INPP4A: variants seen among roughly 807,000 people sequenced by gnomAD.
INPP4A encodes inositol polyphosphate-4-phosphatase type I A, also known as inositol polyphosphate-4-phosphatase, type I, 107kD.
Under a neutral mutation model 119.8 loss-of-function variants are expected in INPP4A, and 33 were observed. That is an observed-to-expected ratio of 0.28 (90% CI 0.21 to 0.37). The LOEUF (loss-of-function observed/expected upper bound fraction) is 0.37, where lower values mean the gene tolerates loss of function less well. Among genes scored for constraint, INPP4A ranks in the 10% least tolerant of loss-of-function variants. INPP4A has a pLI of 1.00. For synonymous variants in INPP4A, 496 were observed against 500.7 expected, an observed-to-expected ratio of 0.99 and a Z score of 0.12; for missense variants, 956 against 1,289.9, an observed-to-expected ratio of 0.74 and a Z score of 3.97.
In INPP4A at chr2:98,565,980, G is replaced by A. The variant is rs751188273; in HGVS notation, c.2280-49G>A. The A allele has an allele frequency of 3.2e-6, 5 of 1,573,450 alleles. No homozygotes were observed. In the East Asian group the frequency reaches 7.0e-5, roughly 22 times the overall value. The stretch of plus-strand genomic sequence containing the variant: ...CCAGCCTGGGCACTGCAGCCTGCTC[G>A]GTGGCCCTCTGGCCTCACACTGCTC... On this transcript the variant is annotated intron_variant, in intron 20 of 24. Transcript: ENST00000409851.
intron 18 of INPP4A, 97 bp from the exon 19 acceptor site, chr2:98,564,543 A>T: frequency 6.9e-7 from 1 of 1,449,282 alleles, no homozygotes; most frequent in South Asian, 1.2e-5. Context: ...GAGCAGTGGC[A>T]GCAGAGGAAG....
rs2106573762 is a variant in INPP4A, at chr2:98,589,214, C to G, written c.*1606C>G. On this transcript the variant is annotated 3_prime_UTR_variant, in exon 25 of 25. Coordinates refer to ENST00000409851, the MANE Select transcript of INPP4A (RefSeq NM_001134225.2). ...TGAGTTCACTGTGGCAGGCAGGAAG[C>G]AGAGAAGCTCCTGCCCGCCAAACCC... 1 of 180,776 alleles carries G rather than the reference C, an allele frequency of 5.5e-6. No individual in the cohort carries two copies. The highest frequency in any genetic ancestry group is 9.1e-5 in the East Asian group (1 of 10,956). The allele number at this position is 180,776 out of a possible 1,614,324, so 11.2% of individuals were successfully genotyped here.
At chr2:98,534,779 G>A (rs1689912809) in intron 5 of INPP4A, among the ~76,000 whole-genome samples, 1 of 152,232 alleles carries the variant, frequency 6.6e-6, no homozygotes, top group South Asian at 2.1e-4. Context: ...GTATAGGACA[G>A]GCATTTGGGG....
In INPP4A at chr2:98,468,031, G is replaced by A. The variant is rs557480178; in HGVS notation, c.-166+22946G>A. On this transcript the variant is annotated intron_variant, in intron 1 of 24. Transcript: ENST00000409851. ...CCGTAAGTTCAGCCTCATCTTTGTC[G>A]AGTTCCACAACTAAGTTTTACAATT... is the stretch of plus-strand genomic sequence containing the variant. 3.2e-4 allele frequency among the ~76,000 whole-genome samples: 48 copies of A among 152,190 alleles called. No homozygotes were observed. In the South Asian group the frequency reaches 1.0e-2, roughly 32 times the overall value.
chr2:98,519,652 A>G, intron 2 of INPP4A: 1 of 188,396 alleles, frequency 5.3e-6, no homozygotes, highest in Non-Finnish European at 1.1e-5. Context: ...GAACAAGAAA[A>G]TCTCGAAAGC....
intron 1 of INPP4A, among the ~76,000 whole-genome samples, chr2:98,448,202 A>G (rs896262457): frequency 4.0e-5 from 6 of 151,808 alleles, no homozygotes; most frequent in African/African-American, 1.5e-4. Context: ...CTAAAAATAC[A>G]AAAATTAGCT....
intron 24 of INPP4A, among the ~76,000 whole-genome samples, chr2:98,584,486 C>T (rs1699725721): frequency 6.6e-6 from 1 of 152,244 alleles, no homozygotes; most frequent in East Asian, 1.9e-4. Context: ...AGGGACGCCT[C>T]CCAGGACCCT....
intron 17 of INPP4A, among the ~76,000 whole-genome samples, chr2:98,561,121 G>A (rs558434007): frequency 3.9e-4 from 60 of 152,310 alleles, no homozygotes; most frequent in African/African-American, 1.4e-3. Context: ...CTGATGAGGG[G>A]AAAATGCAGA....
intron 4 of INPP4A, among the ~76,000 whole-genome samples, chr2:98,524,450 T>G (rs1299234298): frequency 2.6e-5 from 4 of 152,134 alleles, no homozygotes; most frequent in Non-Finnish European, 4.4e-5. Context: ...TTAGATAGGC[T>G]GGGTTGGGGG....
intron 13 of INPP4A, among the ~76,000 whole-genome samples, chr2:98,550,069 A>G (rs575700701): frequency 1.8e-3 from 281 of 152,110 alleles, no homozygotes; most frequent in African/African-American, 6.4e-3. Context: ...GCTGCCCCCA[A>G]GGCCTGCTCC....
chr2:98,504,860 G>T (rs1366153206), intron 1 of INPP4A, among the ~76,000 whole-genome samples: 4 of 152,184 alleles, frequency 2.6e-5, no homozygotes, highest in Non-Finnish European at 5.9e-5. Flanking sequence ...AGGAAATGAT[G>T]TGTGTGGTGT....
intron 1 of INPP4A, among the ~76,000 whole-genome samples, chr2:98,470,116 C>T (rs1336230422): frequency 5.3e-5 from 8 of 152,256 alleles, no homozygotes; most frequent in Admixed American, 5.2e-4. Context: ...CACTTCTCAG[C>T]ACAGTGGCCT....
At chr2:98,469,033 T>C (rs80189790) in intron 1 of INPP4A, among the ~76,000 whole-genome samples, 2,332 of 152,248 alleles carry the variant, frequency 0.015, 67 homozygotes, top group African/African-American at 0.054. Flanking sequence ...CCATCCTGGC[T>C]GTACCTTACC....
intron 1 of INPP4A, among the ~76,000 whole-genome samples, chr2:98,461,168 A>C (rs1040998177): frequency 4.6e-5 from 7 of 152,138 alleles, no homozygotes; most frequent in African/African-American, 1.7e-4. Context: ...GATTACAGGG[A>C]CGGGGGTTGG....
chr2:98,554,208 A>C lies in INPP4A; in HGVS notation c.1348-63A>C. ...TAAGCCCATTCTCCATTTCTGAGAT[A>C]AGGCAGGGGCCTCCCCAGCCCCTGG... On this transcript the variant is annotated intron_variant, in intron 14 of 24. Transcript: ENST00000409851. The surrounding 1 kb of genome is among the most constrained non-coding windows in gnomAD (Gnocchi z 4.7). The C allele has an allele frequency of 5.4e-6, 7 of 1,292,420 alleles. No individual in the cohort carries two copies. The highest frequency in any genetic ancestry group is 7.5e-6 in the Non-Finnish European group (7 of 928,612). The allele number at this position is 1,292,420 out of a possible 1,614,324, so 80.1% of individuals were successfully genotyped here.
chr2:98,477,283 G>A (rs1173222482), intron 1 of INPP4A, among the ~76,000 whole-genome samples: 1 of 152,232 alleles, frequency 6.6e-6, no homozygotes, highest in Non-Finnish European at 1.5e-5. Flanking sequence ...CAGCTCCCCC[G>A]CCGTCCCGTC....
At chr2:98,573,088 C>T (rs900117706) in intron 23 of INPP4A, among the ~76,000 whole-genome samples, 161 bp downstream of exon 23, 1 of 152,154 alleles carries the variant, frequency 6.6e-6, no homozygotes, top group Non-Finnish European at 1.5e-5. Context: ...AGAGACTGAA[C>T]AGTTCACAGA....
chr2:98,567,789 C>A (rs1696740826), intron 21 of INPP4A, among the ~76,000 whole-genome samples: 1 of 152,128 alleles, frequency 6.6e-6, no homozygotes, highest in African/African-American at 2.4e-5. Flanking sequence ...GGATGGCCCC[C>A]AAGGGAGCAG....
chr2:98,574,691 G>A (rs1422942742), intron 23 of INPP4A, among the ~76,000 whole-genome samples: 1 of 151,962 alleles, frequency 6.6e-6, no homozygotes, highest in Non-Finnish European at 1.5e-5. Flanking sequence ...TCTGAACAGT[G>A]GTGGGGGATG....
Sources: gnomAD v4.1 joint callset for allele counts (sites outside exome capture counted in the v4.1 genomes callset) on GRCh38, gnomAD v4.1.1 for gene constraint, Gnocchi (gnomAD v3.1) non-coding constraint, MANE v1.5 for transcripts, NCBI Gene and HGNC (gene_info 2026-07-23, HGNC 2026-07-21) for gene names.